The following FSD1L variants were observed in gnomAD, a reference collection of about 807,000 sequenced individuals.
FSD1L encodes fibronectin type III and SPRY domain containing 1 like.
In FSD1L, 45 loss-of-function variants were observed where a neutral mutation model predicts 71.6. The ratio of observed to expected loss-of-function variants is 0.63; its 90% CI spans 0.49 to 0.81. The LOEUF is 0.81. Among genes scored for constraint, FSD1L ranks in the 30% least tolerant of loss-of-function variants. FSD1L has a pLI of 0.00. For missense variants in FSD1L, 561 were observed against 618.1 expected (o/e 0.91, Z 0.98); for synonymous variants, 197 against 207.2 (o/e 0.95, Z 0.42).
At chr9:105,539,196 C>G in intron 12 of FSD1L, 67 bp from the exon 13 acceptor site, 3 of 719,096 alleles carry the variant, frequency 4.2e-6, no homozygotes, top group Non-Finnish European at 6.8e-6. Context: ...CATGATTATG[C>G]GTTAGAATTA....
At chr9:105,472,362 A>C (rs1448360534) in intron 5 of FSD1L, 3 of 203,074 alleles carry the variant, frequency 1.5e-5, no homozygotes, top group African/African-American at 6.8e-5. Flanking sequence ...TACAACATGG[A>C]AATGTAGATC....
At chr9:105,455,865 C>T (rs889402208) in intron 1 of FSD1L, among the ~76,000 whole-genome samples, 1 of 152,174 alleles carries the variant, frequency 6.6e-6, no homozygotes, top group African/African-American at 2.4e-5. Flanking sequence ...AATAGTTTGA[C>T]CCCCTTAAAT....
chr9:105,456,416 TACTTGGCACTTAAGAGTACC>T (rs1830359179), intron 1 of FSD1L, among the ~76,000 whole-genome samples: 1 of 152,248 alleles, frequency 6.6e-6, no homozygotes, highest in Non-Finnish European at 1.5e-5. Context: ...CTTAAGATAG[TACTTGGCACTTAAGAGTACC>T]AAAGTGCTCT....
intron 2 of FSD1L, among the ~76,000 whole-genome samples, 172 bp from the exon 3 acceptor site, chr9:105,464,064 C>A (rs1830897519): frequency 6.6e-6 from 1 of 152,012 alleles, no homozygotes; most frequent in African/African-American, 2.4e-5. Context: ...AATATATACC[C>A]CATCTTTTCT....
chr9:105,513,516 G>A, intron 10 of FSD1L: 1 of 1,135,124 alleles, frequency 8.8e-7, no homozygotes, highest in Non-Finnish European at 1.2e-6. Context: ...TTCCTCAGCA[G>A]GCCTTTAATC....
chr9:105,454,480 A>C (rs530795549), intron 1 of FSD1L, among the ~76,000 whole-genome samples: 1 of 152,214 alleles, frequency 6.6e-6, no homozygotes, highest in Admixed American at 6.5e-5. Context: ...TACTGAGTCA[A>C]TGTATATCTA....
At chr9:105,540,442 C>T (rs1836536523) in intron 13 of FSD1L, among the ~76,000 whole-genome samples, 1 of 151,998 alleles carries the variant, frequency 6.6e-6, no homozygotes, top group Non-Finnish European at 1.5e-5. Flanking sequence ...TCAATTTTTT[C>T]ATTTACAGTT....
At chr9:105,469,982 A>G (rs957288007) in intron 4 of FSD1L, among the ~76,000 whole-genome samples, 1 of 152,028 alleles carries the variant, frequency 6.6e-6, no homozygotes, top group African/African-American at 2.4e-5. Flanking sequence ...GCTTGTGGAT[A>G]TTCGGTTTTC....
chr9:105,492,966 T>G (rs1833063200), intron 7 of FSD1L, among the ~76,000 whole-genome samples: 1 of 152,148 alleles, frequency 6.6e-6, no homozygotes, highest in South Asian at 2.1e-4. Context: ...CTGAAAAAAA[T>G]GTATATTCTG....
intron 1 of FSD1L, among the ~76,000 whole-genome samples, 181 bp downstream of exon 1, chr9:105,448,416 C>G (rs1344065971): frequency 6.6e-6 from 1 of 152,168 alleles, no homozygotes; most frequent in Non-Finnish European, 1.5e-5. Context: ...GGCGCCCACA[C>G]GGATGCGGGG....
chr9:105,494,574 G>A (rs1216831929), intron 7 of FSD1L, among the ~76,000 whole-genome samples: 6 of 152,122 alleles, frequency 3.9e-5, no homozygotes, highest in Non-Finnish European at 5.9e-5. Context: ...GAGGAGAGGC[G>A]CTCTGGTTTT....
intron 1 of FSD1L, among the ~76,000 whole-genome samples, chr9:105,456,765 T>C (rs142535435): frequency 9.8e-5 from 15 of 152,372 alleles, no homozygotes; most frequent in African/African-American, 3.4e-4. Flanking sequence ...TGGAGACTTA[T>C]CTCATATATT....
At chr9:105,536,701 T>A (rs1410008351) in intron 12 of FSD1L, among the ~76,000 whole-genome samples, 1 of 152,176 alleles carries the variant, frequency 6.6e-6, no homozygotes, top group East Asian at 1.9e-4. Flanking sequence ...AGTGGCTCAG[T>A]CTCAGCTCAC....
chr9:105,495,836 G>T lies in FSD1L; in HGVS notation c.587-10563G>T, dbSNP rs548939304. ...CTAAAAATACAAAAATTAGCTGGGCGTAGTGATGGGCGCATGTAGTCCCAG... is the reference window on the plus strand; with the variant it reads ...CTAAAAATACAAAAATTAGCTGGGCTTAGTGATGGGCGCATGTAGTCCCAG... On this transcript the variant is annotated intron_variant, in intron 7 of 13. Coordinates refer to ENST00000481272, the MANE Select transcript of FSD1L (RefSeq NM_001145313.3). Among the ~76,000 whole-genome samples the T allele has an allele frequency of 1.4e-4, 22 of 152,144 alleles. No homozygotes were observed. The South Asian group carries it at 4.4e-3, about 30-fold the overall frequency.
At chr9:105,459,061 T>C (rs1400985541) in intron 1 of FSD1L, among the ~76,000 whole-genome samples, 1 of 152,222 alleles carries the variant, frequency 6.6e-6, no homozygotes, top group East Asian at 1.9e-4. Context: ...TTTTAAAAAC[T>C]GCTGGATTTG....
chr9:105,525,356 T>G lies in FSD1L; in HGVS notation c.1026-9137T>G, dbSNP rs570410640. On this transcript the variant is annotated intron_variant, in intron 10 of 13. Coordinates refer to ENST00000481272, the MANE Select transcript of FSD1L (RefSeq NM_001145313.3). The stretch of plus-strand genomic sequence containing the variant: ...TGCTTACAGAGAACTGGAATCTCAC[T>G]TAATATTCCTGCTCCACAACCTGTG... 17 of 1,591,078 alleles carry G rather than the reference T, an allele frequency of 1.1e-5. No homozygotes were observed. In the East Asian group the frequency reaches 2.5e-4, roughly 23 times the overall value.
At chr9:105,473,997 T>C (rs1455256494) in intron 5 of FSD1L, among the ~76,000 whole-genome samples, 1 of 152,228 alleles carries the variant, frequency 6.6e-6, no homozygotes, top group South Asian at 2.1e-4. Context: ...TAGTACTGTT[T>C]AGTAGCTTAA....
chr9:105,464,441 GA>G, intron 3 of FSD1L, 110 bp downstream of exon 3: 1 of 523,008 alleles, frequency 1.9e-6, no homozygotes. Flanking sequence ...GGTGAGAGCA[GA>G]GCTTTAAAAT....
chr9:105,451,254 C>T (rs898133115), intron 1 of FSD1L, among the ~76,000 whole-genome samples: 31 of 152,212 alleles, frequency 2.0e-4, no homozygotes, highest in Non-Finnish European at 1.9e-4. Context: ...CCACCGCGCC[C>T]GGCCCGACAT....
Sources: gnomAD v4.1 joint callset for allele counts (sites outside exome capture counted in the v4.1 genomes callset) on GRCh38, gnomAD v4.1.1 for gene constraint, MANE v1.5 for transcripts, NCBI Gene and HGNC (gene_info 2026-07-23, HGNC 2026-07-21) for gene names.